Variants in ANK3 observed in about 807,000 individuals in gnomAD.
ANK3 encodes the protein ankyrin 3.
In ANK3, 57 loss-of-function variants were observed where a neutral mutation model predicts 370.9. The ratio of observed to expected loss-of-function variants is 0.15; its 90% confidence interval spans 0.12 to 0.19. The LOEUF (loss-of-function observed/expected upper bound fraction) is 0.19, where lower values mean the gene tolerates loss of function less well. Ranked by LOEUF, ANK3 falls within the 10% of genes least tolerant of loss-of-function variation. The probability of loss-of-function intolerance (pLI) is 1.00; values close to 1 mark genes in which losing one functional copy is unlikely to be tolerated. For synonymous variants in ANK3, 1,929 were observed against 1,946.3 expected, an observed-to-expected ratio of 0.99 and a Z score of 0.23; for missense variants, 4,439 against 5,302.1, an observed-to-expected ratio of 0.84 and a Z score of 5.06.
intron 11 of ANK3, among the ~76,000 whole-genome samples, chr10:60,204,086 T>C (rs1050500563): frequency 1.3e-5 from 2 of 152,120 alleles, no homozygotes; most frequent in Non-Finnish European, 2.9e-5. Context: ...CAAAAATATA[T>C]GAAAGGAATT....
At chr10:60,418,106 A>T (rs116608073) in intron 2 of ANK3, among the ~76,000 whole-genome samples, 1 of 152,078 alleles carries the variant, frequency 6.6e-6, no homozygotes, top group Non-Finnish European at 1.5e-5. Context: ...CTGACTCATC[A>T]TTCCTGAGAT....
intron 1 of ANK3, among the ~76,000 whole-genome samples, chr10:60,725,601 C>T (rs1009976681): frequency 1.3e-5 from 2 of 152,190 alleles, no homozygotes; most frequent in Non-Finnish European, 2.9e-5. Context: ...AAGTCTACCT[C>T]AGAACCTTGC....
intron 42 of ANK3, among the ~76,000 whole-genome samples, chr10:60,046,838 GCT>G (rs1161265346): frequency 1.5e-5 from 2 of 134,308 alleles, no homozygotes; most frequent in African/African-American, 5.9e-5. Context: ...ATGGAGTCTC[GCT>G]CTGTTGCCCC....
intron 2 of ANK3, chr10:60,572,771 C>A: frequency 1.6e-6 from 2 of 1,258,074 alleles, no homozygotes; most frequent in South Asian, 3.1e-5. Flanking sequence ...GTCAATTATT[C>A]TTCTAAAGAA....
intron 1 of ANK3, among the ~76,000 whole-genome samples, chr10:60,618,060 T>A (rs1198181520): frequency 1.3e-5 from 2 of 152,050 alleles, no homozygotes; most frequent in African/African-American, 4.8e-5. Flanking sequence ...TGATATTAAA[T>A]TTTTTTATCT....
chr10:60,329,701 C>T (rs557134150), intron 1 of ANK3, among the ~76,000 whole-genome samples: 136 of 152,230 alleles, frequency 8.9e-4, no homozygotes, highest in African/African-American at 3.2e-3. Context: ...GTGAAAATGG[C>T]CATATTGCCC....
chr10:60,495,295 T>A (rs901997395), intron 2 of ANK3, among the ~76,000 whole-genome samples: 1 of 152,182 alleles, frequency 6.6e-6, no homozygotes, highest in South Asian at 2.1e-4. Context: ...ATGCTACTAC[T>A]CAAAATGTGG....
At chr10:60,699,154 G>A (rs76729426) in intron 1 of ANK3, among the ~76,000 whole-genome samples, 7,843 of 151,802 alleles carry the variant, frequency 0.052, 286 homozygotes, top group African/African-American at 0.085. Context: ...ACGAGGGGTA[G>A]AAGACTACAA....
At chr10:60,498,117 G>A (rs879862480) in intron 2 of ANK3, among the ~76,000 whole-genome samples, 1 of 151,996 alleles carries the variant, frequency 6.6e-6, no homozygotes, top group Non-Finnish European at 1.5e-5. Flanking sequence ...CTACCTCGCT[G>A]CCCCCAGACC....
chr10:60,713,772 C>T (rs1450781376), intron 1 of ANK3, among the ~76,000 whole-genome samples: 1 of 151,970 alleles, frequency 6.6e-6, no homozygotes, highest in Non-Finnish European at 1.5e-5. Context: ...TGCTTATAAT[C>T]CCAGCTACTC....
chr10:60,161,952 T>C (rs1229927101), intron 23 of ANK3, among the ~76,000 whole-genome samples: 2 of 152,192 alleles, frequency 1.3e-5, no homozygotes, highest in African/African-American at 2.4e-5. Flanking sequence ...CTTGAGGTGA[T>C]AGATATCCCA....
intron 2 of ANK3, among the ~76,000 whole-genome samples, chr10:60,518,393 G>A (rs2076273336): frequency 6.6e-6 from 1 of 152,120 alleles, no homozygotes; most frequent in Non-Finnish European, 1.5e-5. Flanking sequence ...CGTTACTACA[G>A]GAAGCTGGAT....
chr10:60,181,555 G>T, intron 17 of ANK3, 128 bp from the exon 18 acceptor site: 1 of 885,800 alleles, frequency 1.1e-6, no homozygotes, highest in Middle Eastern at 2.2e-4. Flanking sequence ...AAAACCTATG[G>T]AATAAATTTA....
At chr10:60,631,076 G>C (rs1484780701) in intron 1 of ANK3, among the ~76,000 whole-genome samples, 2 of 152,138 alleles carry the variant, frequency 1.3e-5, no homozygotes, top group Admixed American at 1.3e-4. Flanking sequence ...GAACAACTGG[G>C]TGGCTGATGA....
chr10:60,184,754 T>C (rs988658418), intron 17 of ANK3, among the ~76,000 whole-genome samples: 3 of 152,252 alleles, frequency 2.0e-5, no homozygotes, highest in Non-Finnish European at 4.4e-5. Flanking sequence ...GCATATATTG[T>C]ACCAGTTGGC....
At chr10:60,129,544 G>A (rs1184973132) in intron 25 of ANK3, among the ~76,000 whole-genome samples, 1 of 152,180 alleles carries the variant, frequency 6.6e-6, no homozygotes, top group African/African-American at 2.4e-5. Context: ...TTGAGGTCAG[G>A]AGTTCGAGAC....
At chr10:60,174,985 G>A (rs1182274025) in intron 18 of ANK3, among the ~76,000 whole-genome samples, 1 of 152,136 alleles carries the variant, frequency 6.6e-6, no homozygotes, top group Non-Finnish European at 1.5e-5. Context: ...CTCCCAAAGT[G>A]CTGGGATTAC....
intron 43 of ANK3, among the ~76,000 whole-genome samples, chr10:60,041,514 C>T (rs751795252): frequency 1.2e-4 from 19 of 152,156 alleles, no homozygotes; most frequent in Non-Finnish European, 2.5e-4. Flanking sequence ...CCTGTTTCCT[C>T]ATCTATCAAA....
At chr10:60,555,850 T>C (rs1230964061) in intron 2 of ANK3, among the ~76,000 whole-genome samples, 1 of 152,232 alleles carries the variant, frequency 6.6e-6, no homozygotes, top group African/African-American at 2.4e-5. Context: ...AAAGCTCATG[T>C]GACTCATGAG....
Sources: allele counts gnomAD v4.1 joint callset (sites outside exome capture counted in the v4.1 genomes callset), GRCh38; gene constraint gnomAD v4.1.1; transcripts MANE v1.5; gene names NCBI Gene and HGNC (gene_info 2026-07-23, HGNC 2026-07-21).